Variants in GLRA3 observed in about 807,000 individuals in gnomAD.
The protein encoded by GLRA3 is glycine receptor subunit alpha-3.
Under a neutral mutation model 60.4 loss-of-function variants are expected in GLRA3, and 44 were observed. The ratio of observed to expected loss-of-function variants is 0.73; its 90% CI spans 0.57 to 0.94. The LOEUF (loss-of-function observed/expected upper bound fraction) is 0.94. Ranked by LOEUF, GLRA3 falls within the 40% of genes least tolerant of loss-of-function variation. The pLI, the probability that GLRA3 is intolerant of heterozygous loss-of-function variation, is 0.00. For synonymous variants in GLRA3, 223 were observed against 192.9 expected (o/e 1.16, Z -1.29); for missense variants, 508 against 564.6 (o/e 0.90, Z 1.02).
chr4:174,702,266 A>C (rs1735347942), intron 5 of GLRA3, among the ~76,000 whole-genome samples: 1 of 152,228 alleles, frequency 6.6e-6, no homozygotes, highest in African/African-American at 2.4e-5. Context: ...TGACTCACTG[A>C]AGGCTCAGAT....
In GLRA3 at chr4:174,728,485, A is replaced by T. The variant is rs1194722108; in HGVS notation, c.481T>A (p.Tyr161Asn). 6.4e-7 allele frequency: 1 copy of T among 1,568,356 alleles called. No individual in the cohort carries two copies. The highest frequency in any genetic ancestry group is 8.8e-7 in the Non-Finnish European group (1 of 1,138,980). Residue 161 changes from tyrosine to asparagine, a missense_variant, in exon 4 of 10, where the codon TAT becomes AAT. By Grantham distance (143) the Tyr-to-Asn change is moderately radical (BLOSUM62 -2). Coordinates refer to ENST00000274093, the MANE Select transcript of GLRA3 (RefSeq NM_006529.4). ...AAGTCCACGACTCACCTTATTGAATAAAGAACATTTCCATTTTTGAAAATT... is the reference window on the plus strand; with the variant it reads ...AAGTCCACGACTCACCTTATTGAATTAAGAACATTTCCATTTTTGAAAATT... ...LRIFKNGNVL[Y>N]SIRLTLTLSC...
chr4:174,643,060 TA>T lies in GLRA3; in HGVS notation c.*725del. On this transcript the variant is annotated 3_prime_UTR_variant, in exon 10 of 10. Transcript: ENST00000274093. ...AAAATACATAGCTATAATACTTATT[TA>T]AAAACAAAGTTGTTTCCCGTATTTC... 1 of 957,064 alleles carries T rather than the reference TA, an allele frequency of 1.0e-6. No individual in the cohort carries two copies. The highest frequency in any genetic ancestry group is 1.2e-6 in the Non-Finnish European group (1 of 804,778). 59.3% of individuals were successfully genotyped at this position (957,064 alleles called of 1,614,324 possible).
chr4:174,806,226 T>G (rs981140561), intron 1 of GLRA3, among the ~76,000 whole-genome samples: 1 of 152,172 alleles, frequency 6.6e-6, no homozygotes, highest in African/African-American at 2.4e-5. Context: ...CATCTCATTA[T>G]ACTAATCGCT....
Position 174,677,291 on chromosome 4 carries a change from T to C in GLRA3, c.714A>G (p.Gly238=), listed in dbSNP as rs775660210. ...LRYCTKHYNT[G]KFTCIEVRFH... ...ATCGCACTTCTATACACGTAAACTT[T>C]CCTAATTGGTGGTAAGGTAAATACA... The change falls in exon 7 of 10, where the codon GGA becomes GGG. Residue 238 remains glycine (G), a splice_region_variant and synonymous_variant. Transcript: ENST00000274093. 3.2e-6 allele frequency: 5 copies of C among 1,579,108 alleles called. No individual in the cohort carries two copies. In the South Asian group the frequency reaches 5.5e-5, roughly 17 times the overall value.
chr4:174,703,104 A>C (rs937104190), intron 5 of GLRA3, among the ~76,000 whole-genome samples: 3 of 152,200 alleles, frequency 2.0e-5, no homozygotes, highest in African/African-American at 7.2e-5. Flanking sequence ...GGGGACTATA[A>C]GTGGGCTATG....
intron 1 of GLRA3, among the ~76,000 whole-genome samples, chr4:174,795,439 T>C (rs1739525835): frequency 6.6e-6 from 1 of 152,180 alleles, no homozygotes; most frequent in Non-Finnish European, 1.5e-5. Flanking sequence ...TTAAAATTAA[T>C]AAATGCACAA....
At chr4:174,782,426 C>T (rs1030804065) in intron 2 of GLRA3, among the ~76,000 whole-genome samples, 83 of 150,140 alleles carry the variant, frequency 5.5e-4, no homozygotes, top group African/African-American at 2.0e-3. Context: ...GATGCCCTCT[C>T]TCACCACTCC....
At chr4:174,741,531 CT>C (rs963646780) in intron 3 of GLRA3, among the ~76,000 whole-genome samples, 2 of 151,888 alleles carry the variant, frequency 1.3e-5, no homozygotes, top group African/African-American at 2.4e-5. Flanking sequence ...CAGCATGTAG[CT>C]TTTTTTTCCT....
intron 9 of GLRA3, among the ~76,000 whole-genome samples, chr4:174,655,333 C>G (rs530263871): frequency 6.6e-6 from 1 of 152,186 alleles, no homozygotes; most frequent in South Asian, 2.1e-4. Flanking sequence ...CAACCACCCC[C>G]AAATTTGCCC....
intron 3 of GLRA3, among the ~76,000 whole-genome samples, chr4:174,732,596 T>G (rs931280169): frequency 9.9e-5 from 15 of 152,052 alleles, no homozygotes; most frequent in African/African-American, 3.6e-4. Flanking sequence ...CGTAATAAAC[T>G]GTGCCACGTC....
chr4:174,715,366 C>T, intron 5 of GLRA3, 122 bp downstream of exon 5: 1 of 585,872 alleles, frequency 1.7e-6, no homozygotes, highest in South Asian at 2.2e-5. Flanking sequence ...TGAAAGGTTA[C>T]ATGCCTATTC....
intron 5 of GLRA3, among the ~76,000 whole-genome samples, chr4:174,683,384 T>C (rs1734431484): frequency 6.6e-6 from 1 of 151,930 alleles, no homozygotes. Flanking sequence ...GGAGTCTCAC[T>C]CTGTCACCCA....
Position 174,715,517 on chromosome 4 carries a change from A to G in GLRA3, c.545T>C (p.Val182Ala). Residue 182 changes from valine to alanine, a missense_variant, in exon 5 of 10, where the codon GTA becomes GCA. This residue lies in a region of GLRA3 where 329 missense variants were observed against 349.3 expected (regional missense o/e 0.94). Coordinates refer to ENST00000274093, the MANE Select transcript of GLRA3 (RefSeq NM_006529.4). Reference sequence around the variant, plus strand: ...TTCCAGTTGCATTATACATGTTTGTACATCCATGGGAAAATTCTTGAGATC... The same window carrying G: ...TTCCAGTTGCATTATACATGTTTGTGCATCCATGGGAAAATTCTTGAGATC... Reference protein sequence around the residue: ...PMDLKNFPMDVQTCIMQLESF... With the variant: ...PMDLKNFPMDAQTCIMQLESF... 1 of 1,554,956 alleles carries G rather than the reference A, an allele frequency of 6.4e-7. No individual in the cohort carries two copies. Among genetic ancestry groups the G allele is most frequent in the Non-Finnish European group, 8.9e-7 (1 of 1,129,392 alleles).
chr4:174,692,737 G>A (rs1185073322), intron 5 of GLRA3, among the ~76,000 whole-genome samples: 2 of 151,596 alleles, frequency 1.3e-5, no homozygotes, highest in African/African-American at 2.4e-5. Context: ...GATGCTTGAA[G>A]GCAGCATGCT....
chr4:174,720,438 C>G (rs964679569), intron 4 of GLRA3, among the ~76,000 whole-genome samples: 1 of 152,084 alleles, frequency 6.6e-6, no homozygotes, highest in Admixed American at 6.6e-5. Context: ...ATTTCAGGCT[C>G]AAGGTAATTA....
Position 174,739,792 on chromosome 4 carries a change from C to T in GLRA3, c.268-11094G>A, listed in dbSNP as rs575834453. ...TTTTTACCGAAAAGGAAAGATGACTCAGAAGGCAGAAACAAGAGCCAACAC... is the reference window on the plus strand; with the variant it reads ...TTTTTACCGAAAAGGAAAGATGACTTAGAAGGCAGAAACAAGAGCCAACAC... On this transcript the variant is annotated intron_variant, in intron 3 of 9. Transcript: ENST00000274093. Among the ~76,000 whole-genome samples, 10 of 152,226 alleles carry T rather than the reference C, an allele frequency of 6.6e-5. No individual in the cohort carries two copies. In the East Asian group the frequency reaches 1.5e-3, roughly 24 times the overall value.
chr4:174,708,176 G>A (rs1158452582), intron 5 of GLRA3, among the ~76,000 whole-genome samples: 1 of 152,122 alleles, frequency 6.6e-6, no homozygotes, highest in Non-Finnish European at 1.5e-5. Flanking sequence ...TTTAAATTAT[G>A]AAAGAGCTTG....
chr4:174,677,363 TTC>T, intron 6 of GLRA3, 71 bp from the exon 7 acceptor site: 1 of 890,796 alleles, frequency 1.1e-6, no homozygotes, highest in Non-Finnish European at 1.8e-6. Context: ...ATATCACAAT[TTC>T]TCTTTTTTTT....
chr4:174,659,620 G>A (rs571895452), intron 7 of GLRA3, among the ~76,000 whole-genome samples: 149 of 149,528 alleles, frequency 1.0e-3, no homozygotes, highest in African/African-American at 3.3e-3. Flanking sequence ...AATAATATAT[G>A]GTTATTTGCT....
Sources: gnomAD v4.1 joint callset for allele counts (sites outside exome capture counted in the v4.1 genomes callset) on GRCh38, gnomAD v4.1.1 for gene constraint, gnomAD v4.1.1 regional missense constraint, MANE v1.5 for transcripts, NCBI Gene and HGNC (gene_info 2026-07-23, HGNC 2026-07-21) for gene names.